SNX29: variants seen among roughly 807,000 people sequenced by gnomAD.
The protein encoded by SNX29 is sorting nexin-29.
SNX29 carries 78 observed loss-of-function variants against 102.1 expected under a neutral mutation model. The ratio of observed to expected loss-of-function variants is 0.76; its 90% CI spans 0.64 to 0.92. SNX29 has a LOEUF of 0.92. Ranked by LOEUF, SNX29 falls within the 40% of genes least tolerant of loss-of-function variation. The probability of loss-of-function intolerance (pLI) is 0.00; values close to 1 mark genes in which losing one functional copy is unlikely to be tolerated. For missense variants in SNX29, 1,280 were observed against 1,061.7 expected, an observed-to-expected ratio of 1.21 and a Z score of -2.86; for synonymous variants, 580 against 414.5, an observed-to-expected ratio of 1.40 and a Z score of -4.85.
intron 20 of SNX29, chr16:12,557,300 A>C (rs1220816633): frequency 1.3e-5 from 2 of 152,186 alleles, no homozygotes; most frequent in African/African-American, 2.4e-5. Flanking sequence ...GACCCTGTAC[A>C]ATTTAGTGGC....
chr16:12,284,399 G>T (rs994167872), intron 15 of SNX29, among the ~76,000 whole-genome samples: 2 of 152,216 alleles, frequency 1.3e-5, no homozygotes, highest in African/African-American at 4.8e-5. Flanking sequence ...GTAGACAGGA[G>T]GTGTCTCTGT....
chr16:12,536,141 C>T (rs77394955), intron 20 of SNX29, among the ~76,000 whole-genome samples: 216 of 152,232 alleles, frequency 1.4e-3, no homozygotes, highest in African/African-American at 4.4e-3. Flanking sequence ...TGCTGGCACT[C>T]GCCTGTGAGC....
intron 18 of SNX29, among the ~76,000 whole-genome samples, chr16:12,456,708 A>G (rs1482180446): frequency 6.6e-6 from 1 of 151,898 alleles, no homozygotes; most frequent in African/African-American, 2.4e-5. Flanking sequence ...GTGTATGTAT[A>G]TGTATCTGGT....
At chr16:12,209,955 G>A (rs1026833277) in intron 14 of SNX29, among the ~76,000 whole-genome samples, 3 of 152,198 alleles carry the variant, frequency 2.0e-5, no homozygotes, top group Non-Finnish European at 4.4e-5. Context: ...CTCTGGAGAC[G>A]AATTCGTTTG....
At chr16:12,195,079 A>G (rs1178361880) in intron 13 of SNX29, among the ~76,000 whole-genome samples, 4 of 152,236 alleles carry the variant, frequency 2.6e-5, no homozygotes, top group African/African-American at 2.4e-5. Context: ...AAATATATCC[A>G]TGTAAATAGA....
intron 13 of SNX29, among the ~76,000 whole-genome samples, chr16:12,148,754 A>G (rs2055172274): frequency 6.6e-6 from 1 of 151,976 alleles, no homozygotes; most frequent in Non-Finnish European, 1.5e-5. Flanking sequence ...CTGGAGTACA[A>G]TGGCACGATC....
At chr16:12,426,502 T>G (rs2151609457) in intron 18 of SNX29, among the ~76,000 whole-genome samples, 1 of 152,234 alleles carries the variant, frequency 6.6e-6, no homozygotes, top group East Asian at 1.9e-4. Context: ...GAACATCTGG[T>G]AGAATAGAAA....
chr16:12,467,537 G>A (rs1274222884), intron 18 of SNX29, among the ~76,000 whole-genome samples: 2 of 152,158 alleles, frequency 1.3e-5, no homozygotes, highest in African/African-American at 4.8e-5. Flanking sequence ...GACACTCCCT[G>A]GCAGTGCTCT....
intron 15 of SNX29, among the ~76,000 whole-genome samples, chr16:12,339,240 G>T (rs762800274): frequency 6.6e-6 from 1 of 151,908 alleles, no homozygotes; most frequent in Admixed American, 6.6e-5. Context: ...GCGTGGTGGC[G>T]CATGCCTGTA....
intron 20 of SNX29, among the ~76,000 whole-genome samples, chr16:12,553,450 G>A (rs1335082882): frequency 1.3e-5 from 2 of 152,162 alleles, no homozygotes; most frequent in Admixed American, 1.3e-4. Context: ...TGAGCATGGT[G>A]TAGACCAGCT....
At chr16:12,121,118 G>A (rs1018997930) in intron 11 of SNX29, among the ~76,000 whole-genome samples, 9 of 152,226 alleles carry the variant, frequency 5.9e-5, no homozygotes, top group African/African-American at 1.7e-4. Flanking sequence ...GGTCTCACGT[G>A]TGTTCTGTGC....
At chr16:12,105,884 G>T (rs182273459) in intron 11 of SNX29, among the ~76,000 whole-genome samples, 1 of 152,088 alleles carries the variant, frequency 6.6e-6, no homozygotes, top group African/African-American at 2.4e-5. Flanking sequence ...GAAGTTGGGT[G>T]GGGGACTGCG....
intron 14 of SNX29, among the ~76,000 whole-genome samples, chr16:12,252,629 G>A (rs994100466): frequency 2.0e-5 from 3 of 152,138 alleles, no homozygotes; most frequent in South Asian, 2.1e-4. Context: ...GCCCTTTCTC[G>A]CTCCTGTCTG....
At chr16:12,201,028 A>G (rs2076902298) in intron 14 of SNX29, among the ~76,000 whole-genome samples, 1 of 152,224 alleles carries the variant, frequency 6.6e-6, no homozygotes, top group Non-Finnish European at 1.5e-5. Flanking sequence ...ATTTAGTAAT[A>G]GTATAAAGAT....
intron 13 of SNX29, among the ~76,000 whole-genome samples, chr16:12,191,043 A>G (rs1035358701): frequency 6.6e-6 from 1 of 152,240 alleles, no homozygotes; most frequent in African/African-American, 2.4e-5. Flanking sequence ...CGTGGAAGAC[A>G]ATTTTTCCAT....
chr16:12,481,672 C>G (rs1358829167), intron 19 of SNX29, among the ~76,000 whole-genome samples: 1 of 151,940 alleles, frequency 6.6e-6, no homozygotes, highest in Non-Finnish European at 1.5e-5. Flanking sequence ...GTAGCTGGGA[C>G]TATAGGCACC....
At chr16:12,302,179 G>A (rs753899990) in intron 15 of SNX29, among the ~76,000 whole-genome samples, 6 of 152,152 alleles carry the variant, frequency 3.9e-5, no homozygotes, top group Admixed American at 1.3e-4. Flanking sequence ...TGGGATGGAC[G>A]TCGTAACTAT....
chr16:12,348,253 C>T (rs1329289310), intron 15 of SNX29, among the ~76,000 whole-genome samples: 1 of 152,152 alleles, frequency 6.6e-6, no homozygotes, highest in Admixed American at 6.5e-5. Context: ...TGTCTTCATG[C>T]TGGGATTTTC....
intron 10 of SNX29, among the ~76,000 whole-genome samples, chr16:12,071,256 C>G (rs2051285594): frequency 6.6e-6 from 1 of 152,212 alleles, no homozygotes; most frequent in Non-Finnish European, 1.5e-5. Flanking sequence ...TGCCTATGTT[C>G]TGAATGGTAA....
Sources: gnomAD v4.1 joint callset for allele counts (sites outside exome capture counted in the v4.1 genomes callset) on GRCh38, gnomAD v4.1.1 for gene constraint, MANE v1.5 for transcripts, NCBI Gene and HGNC (gene_info 2026-07-23, HGNC 2026-07-21) for gene names.